KCNIP4: variants seen among roughly 807,000 people sequenced by gnomAD.
KCNIP4 encodes the protein Kv channel-interacting protein 4.
A neutral mutation model predicts 34.0 loss-of-function variants in KCNIP4; 12 were observed. That is an observed-to-expected ratio of 0.35 (90% CI 0.23 to 0.57). The LOEUF (loss-of-function observed/expected upper bound fraction) is 0.57. Among genes scored for constraint, KCNIP4 ranks in the 20% least tolerant of loss-of-function variants. KCNIP4 has a pLI of 0.83. For synonymous variants in KCNIP4, 124 were observed against 102.2 expected, an observed-to-expected ratio of 1.21 and a Z score of -1.29; for missense variants, 238 against 311.7, an observed-to-expected ratio of 0.76 and a Z score of 1.78.
intron 1 of KCNIP4, among the ~76,000 whole-genome samples, chr4:21,153,452 T>C: frequency 6.7e-6 from 1 of 149,686 alleles, no homozygotes; most frequent in Non-Finnish European, 1.5e-5. Context: ...TCTGTCCCTC[T>C]CTCTCTCTCT....
intron 1 of KCNIP4, among the ~76,000 whole-genome samples, chr4:21,717,007 T>C (rs1393026681): frequency 1.3e-5 from 2 of 152,176 alleles, no homozygotes; most frequent in African/African-American, 4.8e-5. Context: ...TCTTAATTTA[T>C]TTCCCCATCT....
chr4:21,410,343 C>A (rs1390260), intron 1 of KCNIP4, among the ~76,000 whole-genome samples: 9,866 of 152,272 alleles, frequency 0.065, 495 homozygotes, highest in African/African-American at 0.14. Context: ...GTAGGTCAGA[C>A]TTAATGATCT....
chr4:20,781,695 A>G (rs1756888731), intron 3 of KCNIP4, among the ~76,000 whole-genome samples: 1 of 152,164 alleles, frequency 6.6e-6, no homozygotes, highest in Admixed American at 6.5e-5. Flanking sequence ...TCCCTCCTAC[A>G]ACATGTGCAA....
At chr4:21,537,299 G>T (rs1224876599) in intron 1 of KCNIP4, among the ~76,000 whole-genome samples, 1 of 152,154 alleles carries the variant, frequency 6.6e-6, no homozygotes, top group Non-Finnish European at 1.5e-5. Flanking sequence ...ATACTGTTGA[G>T]GGTGGCTTTA....
In KCNIP4 at chr4:21,109,113, CCACTGCT is replaced by C. The variant is rs1326426426; in HGVS notation, c.62-226411_62-226405del. Among the ~76,000 whole-genome samples the C allele has an allele frequency of 3.8e-3, 580 of 152,150 alleles. 2 individuals are homozygous for C. The highest frequency in any genetic ancestry group is 0.013 in the African/African-American group (557 of 41,488). On this transcript the variant is annotated intron_variant, in intron 1 of 8. Coordinates refer to ENST00000382152, the MANE Select transcript of KCNIP4 (RefSeq NM_025221.6). ...GATCTCCAGCTGCGTGCTGGGAGAACCACTGCTCTCTTCAAAGCTGTCAGACAGGGAC... is the reference window on the plus strand; with the variant it reads ...GATCTCCAGCTGCGTGCTGGGAGAACCTCTTCAAAGCTGTCAGACAGGGAC...
chr4:21,410,454 C>T (rs1293015842), intron 1 of KCNIP4, among the ~76,000 whole-genome samples: 1 of 152,158 alleles, frequency 6.6e-6, no homozygotes, highest in Non-Finnish European at 1.5e-5. Flanking sequence ...ATCACTGTCT[C>T]TGGGGGAAGC....
At chr4:20,764,033 C>T (rs2149367447) in intron 3 of KCNIP4, among the ~76,000 whole-genome samples, 1 of 152,174 alleles carries the variant, frequency 6.6e-6, no homozygotes, top group Non-Finnish European at 1.5e-5. Context: ...CAGTAGGGTT[C>T]CTGGGTTTAG....
chr4:21,605,256 G>C (rs1743549124), intron 1 of KCNIP4, among the ~76,000 whole-genome samples: 1 of 152,128 alleles, frequency 6.6e-6, no homozygotes, highest in Non-Finnish European at 1.5e-5. Flanking sequence ...TTTCACTCTT[G>C]GCAGATTGGA....
chr4:21,065,492 AT>A lies in KCNIP4; in HGVS notation c.62-182784del, dbSNP rs1315963640. 5.9e-5 allele frequency among the ~76,000 whole-genome samples: 9 copies of A among 152,084 alleles called. No homozygotes were observed. In the East Asian group the frequency reaches 1.4e-3, roughly 23 times the overall value. ...TTCTAGTATCTCAAATACTAAAAAAATCATATTTAATTGCTTTAATTCACTA... is the reference window on the plus strand; with the variant it reads ...TTCTAGTATCTCAAATACTAAAAAAACATATTTAATTGCTTTAATTCACTA... On this transcript the variant is annotated intron_variant, in intron 1 of 8. Coordinates refer to ENST00000382152, the MANE Select transcript of KCNIP4 (RefSeq NM_025221.6).
rs1391912381 is a variant in KCNIP4 at position 20,803,722 on chromosome 4, AG to A, written c.289-44833del. 2.6e-4 allele frequency among the ~76,000 whole-genome samples: 27 copies of A among 103,380 alleles called. No homozygotes were observed. The South Asian group carries it at 4.0e-3, about 15-fold the overall frequency. 67.8% of individuals were successfully genotyped at this position (103,380 alleles called of 152,430 possible). On this transcript the variant is annotated intron_variant, in intron 3 of 8. Transcript: ENST00000382152. ...GAGAGAAAGAGAGAGAGAGAGAGAG[AG>A]AGAGAGGAAGGAAGGAAGGAAGGAA...
At chr4:21,052,028 A>T (rs1334415542) in intron 1 of KCNIP4, among the ~76,000 whole-genome samples, 1 of 152,218 alleles carries the variant, frequency 6.6e-6, no homozygotes, top group Non-Finnish European at 1.5e-5. Context: ...AATACATTGG[A>T]ATTTAGAAAT....
chr4:21,147,764 C>T (rs1752463658), intron 1 of KCNIP4, among the ~76,000 whole-genome samples: 1 of 151,494 alleles, frequency 6.6e-6, no homozygotes, highest in Admixed American at 6.6e-5. Context: ...CATGGTGAAA[C>T]CCTGTCTCTA....
intron 1 of KCNIP4, among the ~76,000 whole-genome samples, chr4:21,106,630 C>T (rs1748568577): frequency 6.6e-6 from 1 of 151,450 alleles, no homozygotes; most frequent in Non-Finnish European, 1.5e-5. Context: ...TATTTCCTGC[C>T]TTCTGCTAGC....
At chr4:21,481,979 T>C (rs1731466910) in intron 1 of KCNIP4, among the ~76,000 whole-genome samples, 1 of 152,166 alleles carries the variant, frequency 6.6e-6, no homozygotes, top group African/African-American at 2.4e-5. Context: ...ACTTGCTTTA[T>C]GAATCTGGGT....
At chr4:21,873,408 C>T (rs538672069) in intron 1 of KCNIP4, among the ~76,000 whole-genome samples, 67 of 152,266 alleles carry the variant, frequency 4.4e-4, no homozygotes, top group African/African-American at 1.4e-3. Flanking sequence ...CCTAGATAGA[C>T]CTGAAAATCT....
At chr4:20,929,187 C>T (rs181490956) in intron 1 of KCNIP4, among the ~76,000 whole-genome samples, 5 of 151,942 alleles carry the variant, frequency 3.3e-5, no homozygotes, top group Non-Finnish European at 5.9e-5. Context: ...TACATCATGA[C>T]CAATAGGATT....
intron 1 of KCNIP4, among the ~76,000 whole-genome samples, chr4:21,150,699 G>T (rs1752694520): frequency 6.6e-6 from 1 of 152,154 alleles, no homozygotes; most frequent in Non-Finnish European, 1.5e-5. Context: ...AAATTGATGA[G>T]AACTTAATTG....
chr4:21,467,733 A>G (rs902163447), intron 1 of KCNIP4, among the ~76,000 whole-genome samples: 1 of 152,152 alleles, frequency 6.6e-6, no homozygotes, highest in African/African-American at 2.4e-5. Flanking sequence ...CTTTTGGAAA[A>G]AAAGAGCATG....
At chr4:21,645,717 C>T (rs1746962134) in intron 1 of KCNIP4, among the ~76,000 whole-genome samples, 1 of 152,142 alleles carries the variant, frequency 6.6e-6, no homozygotes, top group Non-Finnish European at 1.5e-5. Context: ...CACAATTTCA[C>T]GTCTGTCTGG....
Sources: allele counts gnomAD v4.1 joint callset (sites outside exome capture counted in the v4.1 genomes callset), GRCh38; gene constraint gnomAD v4.1.1; transcripts MANE v1.5; gene names NCBI Gene and HGNC (gene_info 2026-07-23, HGNC 2026-07-21).